The following DNAH6 variants were observed in gnomAD, a reference collection of about 807,000 sequenced individuals.
DNAH6 encodes the protein axonemal beta dynein heavy chain 6.
A neutral mutation model predicts 491.4 loss-of-function variants in DNAH6; 340 were observed. The ratio of observed to expected loss-of-function variants is 0.69; its 90% CI spans 0.63 to 0.76. DNAH6 has a LOEUF of 0.76. DNAH6 is among the 30% of genes least tolerant of loss of function. The pLI, the probability that DNAH6 is intolerant of heterozygous loss-of-function variation, is 0.00. For missense variants in DNAH6, 4,443 were observed against 4,972.2 expected (o/e 0.89, Z 3.20); for synonymous variants, 1,603 against 1,686.1 (o/e 0.95, Z 1.21).
intron 29 of DNAH6, among the ~76,000 whole-genome samples, chr2:84,633,343 A>G (rs1413219587): frequency 1.3e-5 from 2 of 152,040 alleles, no homozygotes; most frequent in African/African-American, 4.8e-5. Context: ...CCCTTTGCTT[A>G]TGAGGCAGTC....
Position 84,718,298 on chromosome 2 carries a change from G to C in DNAH6, c.9706G>C (p.Glu3236Gln). The C allele has an allele frequency of 6.4e-7, 1 of 1,551,364 alleles. No individual in the cohort carries two copies. Among genetic ancestry groups the C allele is most frequent in the African/African-American group, 1.4e-5 (1 of 73,150 alleles). The change falls in exon 59 of 77, where the codon GAA (glutamate) becomes CAA (glutamine). Residue 3236 changes from glutamate to glutamine, a missense_variant. Transcript: ENST00000389394. ...TGATAAAAACCAGTTGAAAACTATC[G>C]AAGAGAAAATCCTGAGAATGCTCTT... is the stretch of plus-strand genomic sequence containing the variant. ...NTDKNQLKTI[E>Q]EKILRMLFTS...
chr2:84,750,498 T>G (rs1162317050), intron 63 of DNAH6, among the ~76,000 whole-genome samples: 2 of 152,178 alleles, frequency 1.3e-5, no homozygotes, highest in East Asian at 3.8e-4. Context: ...GTGGTTATAC[T>G]TTTTTAAAGA....
At chr2:84,502,160 G>T in the DNAH6 span, among the ~76,000 whole-genome samples, 1 of 151,998 alleles carries the variant, frequency 6.6e-6, no homozygotes, top group South Asian at 2.1e-4. Context: ...GGCACTTATA[G>T]CTATAAACGT....
chr2:84,617,194 A>G (rs1419943711), intron 23 of DNAH6, among the ~76,000 whole-genome samples: 1 of 149,540 alleles, frequency 6.7e-6, no homozygotes, highest in Non-Finnish European at 1.5e-5. Context: ...GGTAAGTAAG[A>G]TGCTGAAACA....
At position 84,552,999 on chromosome 2, in the gene DNAH6, T is replaced by A. The variant is rs556423348; in HGVS notation, c.1567T>A (p.Ser523Thr). 1.4e-4 allele frequency: 218 copies of A among 1,609,782 alleles called. 1 individual carries two copies. In the Middle Eastern group the frequency reaches 2.1e-3, roughly 16 times the overall value. ...CACAGAACTAATGTTGACAGTCCAGTCACTGCTCTTTGAGCCTTCTCTGGA... is the reference window on the plus strand; with the variant it reads ...CACAGAACTAATGTTGACAGTCCAGACACTGCTCTTTGAGCCTTCTCTGGA... ...FLTELMLTVQ[S>T]LLFEPSLEDF... The change falls in exon 10 of 77, where the codon TCA (serine) becomes ACA (threonine). Residue 523 changes from serine (S) to threonine (T), a missense_variant. Coordinates refer to ENST00000389394, the MANE Select transcript of DNAH6 (RefSeq NM_001370.2).
intron 68 of DNAH6, 40 bp downstream of exon 68, chr2:84,787,342 C>T: frequency 6.6e-7 from 1 of 1,522,638 alleles, no homozygotes; most frequent in African/African-American, 1.4e-5. Context: ...ATCTATGTAC[C>T]ACAAAGTTGT....
At chr2:84,660,725 A>G (rs796130370) in intron 37 of DNAH6, among the ~76,000 whole-genome samples, 3 of 152,320 alleles carry the variant, frequency 2.0e-5, no homozygotes, top group African/African-American at 7.2e-5. Flanking sequence ...TGTGAAAGAT[A>G]TAATCTTGCT....
At chr2:84,685,620 T>C in intron 43 of DNAH6, 148 bp downstream of exon 43, 1 of 412,216 alleles carries the variant, frequency 2.4e-6, no homozygotes, top group Non-Finnish European at 4.2e-6. Context: ...TTAAAATATA[T>C]GAAATATGCA....
At chr2:84,777,603 G>T in intron 64 of DNAH6, 2 of 805,752 alleles carry the variant, frequency 2.5e-6, no homozygotes, top group Non-Finnish European at 4.5e-6. Flanking sequence ...CCTAAATCTG[G>T]GTGCAGAGTC....
chr2:84,547,654 T>A (rs1678909858), intron 7 of DNAH6, 42 bp downstream of exon 7: 1 of 1,523,800 alleles, frequency 6.6e-7, no homozygotes, highest in South Asian at 1.3e-5. Flanking sequence ...AAGTGGTGGC[T>A]TTCTAAAATT....
At chr2:84,543,329 T>C (rs183132937) in intron 4 of DNAH6, among the ~76,000 whole-genome samples, 2 of 152,338 alleles carry the variant, frequency 1.3e-5, no homozygotes, top group African/African-American at 4.8e-5. Flanking sequence ...AGTTTTAACA[T>C]AGAAACAATT....
chr2:84,733,621 G>A, intron 62 of DNAH6, 42 bp downstream of exon 62: 2 of 1,524,674 alleles, frequency 1.3e-6, no homozygotes, highest in Non-Finnish European at 1.8e-6. Flanking sequence ...CTTATAAACA[G>A]GCTCTTGAAT....
chr2:84,547,214 A>G, intron 5 of DNAH6, 54 bp from the exon 6 acceptor site: 4 of 1,409,106 alleles, frequency 2.8e-6, no homozygotes, highest in Admixed American at 2.5e-5. Flanking sequence ...AATGTTCTAT[A>G]CTTTTAAAAT....
In DNAH6 at chr2:84,557,805, C is replaced by T. The variant is rs1373965792; in HGVS notation, c.1673C>T (p.Ser558Leu). 10 of 1,612,264 alleles carry T rather than the reference C, an allele frequency of 6.2e-6. No homozygotes were observed. In the East Asian group the frequency reaches 1.1e-4, roughly 18 times the overall value. Residue 558 changes from serine (S) to leucine (L), a missense_variant, in exon 11 of 77, where the codon TCG becomes TTG. This residue lies in a region of DNAH6 where 2,977 missense variants were observed against 3,296.6 expected (regional missense o/e 0.90). Coordinates refer to ENST00000389394, the MANE Select transcript of DNAH6 (RefSeq NM_001370.2). The stretch of plus-strand genomic sequence containing the variant: ...TCAGTTCCTAATCTCGTGCCTGATT[C>T]GTATTTTGATGCTTTCACCAGCCCT... ...VLSVPNLVPD[S>L]YFDAFTSPYI...
intron 64 of DNAH6, among the ~76,000 whole-genome samples, chr2:84,780,787 T>G (rs1309571063): frequency 1.3e-5 from 2 of 151,950 alleles, no homozygotes; most frequent in Non-Finnish European, 2.9e-5. Flanking sequence ...GGCTTTTTTT[T>G]TTGTATTCCT....
chr2:84,756,332 G>A (rs1674020487), intron 63 of DNAH6, among the ~76,000 whole-genome samples: 1 of 152,182 alleles, frequency 6.6e-6, no homozygotes, highest in African/African-American at 2.4e-5. Flanking sequence ...TGCTACAAGA[G>A]TATGCAATAA....
intron 37 of DNAH6, among the ~76,000 whole-genome samples, chr2:84,665,493 G>A (rs1327646001): frequency 1.3e-5 from 2 of 151,992 alleles, no homozygotes; most frequent in Non-Finnish European, 2.9e-5. Flanking sequence ...TAAACTAGAA[G>A]ATCTAGAAGA....
At chr2:84,680,864 AAGCTCCTGATCT>A (rs1442340818) in intron 41 of DNAH6, among the ~76,000 whole-genome samples, 1 of 152,160 alleles carries the variant, frequency 6.6e-6, no homozygotes. Flanking sequence ...AGAGACTTCC[AAGCTCCTGATCT>A]AAGCTTAGGA....
At chr2:84,742,669 T>C (rs1672637938) in intron 62 of DNAH6, among the ~76,000 whole-genome samples, 1 of 152,196 alleles carries the variant, frequency 6.6e-6, no homozygotes, top group African/African-American at 2.4e-5. Context: ...TGCTTCCTTT[T>C]TTCTTCTTTC....
Sources: allele counts gnomAD v4.1 joint callset (sites outside exome capture counted in the v4.1 genomes callset), GRCh38; gene constraint gnomAD v4.1.1; regional missense constraint gnomAD v4.1.1; transcripts MANE v1.5; gene names NCBI Gene and HGNC (gene_info 2026-07-23, HGNC 2026-07-21).